SYDE2: variants seen among roughly 807,000 people sequenced by gnomAD.
SYDE2 encodes synapse defective Rho GTPase homolog 2.
In SYDE2, 76 loss-of-function variants were observed where a neutral mutation model predicts 91.5. The ratio of observed to expected loss-of-function variants is 0.83; its 90% CI spans 0.69 to 1.01. The LOEUF (loss-of-function observed/expected upper bound fraction) is 1.01, where lower values mean the gene tolerates loss of function less well. Among genes scored for constraint, SYDE2 ranks in the 50% least tolerant of loss-of-function variants. The pLI is 0.00. For missense variants in SYDE2, 1,364 were observed against 1,367.7 expected (o/e 1.00, Z 0.04); for synonymous variants, 513 against 506.4 (o/e 1.01, Z -0.18).
At chr1:85,163,481 A>ATATATATATATATATAT (rs1657152403) in intron 6 of SYDE2, among the ~76,000 whole-genome samples, 6 of 138,182 alleles carry the variant, frequency 4.3e-5, no homozygotes, top group East Asian at 2.1e-4. Flanking sequence ...ATATATATAT[A>ATATATATATATATATAT]ACAAAAGAGT....
At position 85,158,971 on chromosome 1, in the gene SYDE2, T is replaced by C. The variant is rs1656965250; in HGVS notation, c.3364A>G (p.Ile1122Val). Reference protein sequence around the residue: ...YDDVPSEDRKIGENYSKMDGP... With the variant: ...YDDVPSEDRKVGENYSKMDGP... ...TCCATTTTGCTATAATTTTCTCCGA[T>C]TTTTCTATCTTCTGAAGGGACATCA... Residue 1122 changes from isoleucine (I) to valine (V), a missense_variant, in exon 7 of 7, where the codon ATC (isoleucine) becomes GTC (valine). Physicochemically the swap from Ile to Val is conservative, Grantham distance 29 (BLOSUM62 3). Transcript: ENST00000341460. The C allele has an allele frequency of 1.3e-6, 1 of 780,648 alleles. No individual in the cohort carries two copies. Among genetic ancestry groups the C allele is most frequent in the Non-Finnish European group, 2.4e-6 (1 of 417,942 alleles). The allele number at this position is 780,648 out of a possible 1,614,324, so 48.4% of individuals were successfully genotyped here. A position where few individuals can be genotyped will look rare whatever the true frequency, so the allele number is the denominator to read the frequency against.
chr1:85,158,559 A>G lies in SYDE2; in HGVS notation c.*191T>C. On this transcript the variant is annotated 3_prime_UTR_variant, in exon 7 of 7. Coordinates refer to ENST00000341460, the MANE Select transcript of SYDE2 (RefSeq NM_032184.2). ...AAGTCCAAGTTTTATTGATCCCCAG[A>G]AAAGTTTTCTAGTGAGATAAGTAAA... The G allele has an allele frequency of 2.1e-6, 1 of 479,228 alleles. No individual in the cohort carries two copies. Among genetic ancestry groups the G allele is most frequent in the East Asian group, 3.6e-5 (1 of 28,036 alleles). The allele number at this position is 479,228 out of a possible 1,614,324, so 29.7% of individuals were successfully genotyped here. A position where few individuals can be genotyped will look rare whatever the true frequency, so the allele number is the denominator to read the frequency against.
At chr1:85,195,680 C>T (rs1658560732) in intron 1 of SYDE2, among the ~76,000 whole-genome samples, 2 of 152,238 alleles carry the variant, frequency 1.3e-5, no homozygotes, top group South Asian at 4.1e-4. Flanking sequence ...GAAAGGAGCA[C>T]AAAAGATGAG....
chr1:85,175,195 A>T (rs1336172151), intron 4 of SYDE2, among the ~76,000 whole-genome samples: 2 of 152,204 alleles, frequency 1.3e-5, no homozygotes, highest in African/African-American at 2.4e-5. Context: ...TTTGGTAATA[A>T]GCCCTATAAA....
At chr1:85,172,595 T>G (rs1657541446) in intron 4 of SYDE2, among the ~76,000 whole-genome samples, 1 of 152,120 alleles carries the variant, frequency 6.6e-6, no homozygotes, top group South Asian at 2.1e-4. Flanking sequence ...ATACTATGTC[T>G]AAGACATTGG....
chr1:85,155,604 T>C (rs1331132560), downstream of SYDE2, among the ~76,000 whole-genome samples: 8 of 152,228 alleles, frequency 5.3e-5, no homozygotes, highest in African/African-American at 1.9e-4. Context: ...AGTTGACGAC[T>C]GGCTATAAAA....
chr1:85,157,846 C>T lies in SYDE2; in HGVS notation c.*904G>A, dbSNP rs1282947799. 1 of 152,014 alleles carries T rather than the reference C, an allele frequency of 6.6e-6. No individual in the cohort carries two copies. The highest frequency in any genetic ancestry group is 2.4e-5 in the African/African-American group (1 of 41,408). 9.4% of individuals were successfully genotyped at this position (152,014 alleles called of 1,614,324 possible). A position where few individuals can be genotyped will look rare whatever the true frequency, so the allele number is the denominator to read the frequency against. On this transcript the variant is annotated 3_prime_UTR_variant, in exon 7 of 7. Transcript: ENST00000341460. ...CCCCTCCCCCATCCTGATATCTATACATATATGCATTTATAAATATATACA... is the reference window on the plus strand; with the variant it reads ...CCCCTCCCCCATCCTGATATCTATATATATATGCATTTATAAATATATACA...
In SYDE2 at chr1:85,200,589, C is replaced by G. The variant is rs1377884966; in HGVS notation, c.408G>C (p.Ala136=). Residue 136 remains alanine (A), a synonymous_variant, in exon 1 of 7, where the codon GCG becomes GCC. Coordinates refer to ENST00000341460, the MANE Select transcript of SYDE2 (RefSeq NM_032184.2). ...MDGWSGDRAR[A]AAPTGLQPPG... is the part of the protein sequence containing the mutation. Reference sequence around the variant, plus strand: ...GAGGCTGGAGGCCGGTGGGTGCAGCCGCCCGGGCGCGGTCCCCACTCCAGC... The same window carrying G: ...GAGGCTGGAGGCCGGTGGGTGCAGCGGCCCGGGCGCGGTCCCCACTCCAGC... The G allele has an allele frequency of 3.8e-6, 6 of 1,573,912 alleles. No individual in the cohort carries two copies. Among genetic ancestry groups the G allele is most frequent in the Non-Finnish European group, 5.2e-6 (6 of 1,164,004 alleles).
intron 5 of SYDE2, among the ~76,000 whole-genome samples, 163 bp from the exon 6 acceptor site, chr1:85,164,920 T>G (rs763706417): frequency 1.3e-5 from 2 of 152,166 alleles, no homozygotes; most frequent in African/African-American, 4.8e-5. Flanking sequence ...TAGTTTCTAA[T>G]AGAAACATTA....
intron 4 of SYDE2, among the ~76,000 whole-genome samples, chr1:85,174,062 T>A (rs1041774345): frequency 4.0e-5 from 6 of 150,520 alleles, no homozygotes; most frequent in African/African-American, 7.4e-5. Context: ...GAAAAAAAAA[T>A]ACATTATCAG....
At chr1:85,188,242 C>T (rs1285559429) in intron 2 of SYDE2, among the ~76,000 whole-genome samples, 1 of 152,068 alleles carries the variant, frequency 6.6e-6, no homozygotes, top group Non-Finnish European at 1.5e-5. Flanking sequence ...TATTTCTTTC[C>T]CCATCCAGAT....
Position 85,158,715 on chromosome 1 carries a change from A to T in SYDE2, c.*35T>A. ...AGAAAATAAAACAAAAACAGATTTGAAACTTTAAGACATTACAAAAAAAAA... is the reference window on the plus strand; with the variant it reads ...AGAAAATAAAACAAAAACAGATTTGTAACTTTAAGACATTACAAAAAAAAA... On this transcript the variant is annotated 3_prime_UTR_variant, in exon 7 of 7. Transcript: ENST00000341460. 1 of 672,542 alleles carries T rather than the reference A, an allele frequency of 1.5e-6. No individual in the cohort carries two copies. Among genetic ancestry groups the T allele is most frequent in the South Asian group, 1.7e-5 (1 of 58,284 alleles). The allele number at this position is 672,542 out of a possible 1,614,324, so 41.7% of individuals were successfully genotyped here. A position where few individuals can be genotyped will look rare whatever the true frequency, so the allele number is the denominator to read the frequency against.
intron 4 of SYDE2, among the ~76,000 whole-genome samples, chr1:85,173,353 C>A (rs1194342926): frequency 2.0e-5 from 3 of 152,094 alleles, no homozygotes; most frequent in Non-Finnish European, 4.4e-5. Context: ...AGGAAGGATT[C>A]CCCTGCAGGT....
chr1:85,163,770 G>T (rs1557740999), intron 6 of SYDE2, among the ~76,000 whole-genome samples: 1 of 152,052 alleles, frequency 6.6e-6, no homozygotes, highest in African/African-American at 2.4e-5. Context: ...GCAGTGTGGG[G>T]TGAGAGTAGC....
chr1:85,178,051 A>C, intron 4 of SYDE2, 95 bp downstream of exon 4: 1 of 1,075,206 alleles, frequency 9.3e-7, no homozygotes, highest in Non-Finnish European at 1.3e-6. Context: ...CAGAATAAAA[A>C]CAAATTAAAT....
At chr1:85,191,346 G>T (rs1008546350) in intron 1 of SYDE2, among the ~76,000 whole-genome samples, 2 of 152,134 alleles carry the variant, frequency 1.3e-5, no homozygotes, top group Admixed American at 6.5e-5. Flanking sequence ...GAAGGCCCCA[G>T]ATTAGAAGCA....
chr1:85,157,446 T>G lies in SYDE2; in HGVS notation c.*1304A>C, dbSNP rs1421192201. The stretch of plus-strand genomic sequence containing the variant: ...CTATTTAGAAACAAATGGGGGTAAT[T>G]ATAAAGTCAATGTTATAAATGTACT... On this transcript the variant is annotated 3_prime_UTR_variant, in exon 7 of 7. Coordinates refer to ENST00000341460, the MANE Select transcript of SYDE2 (RefSeq NM_032184.2). The G allele has an allele frequency of 6.6e-6, 1 of 152,104 alleles. No individual in the cohort carries two copies. Among genetic ancestry groups the G allele is most frequent in the African/African-American group, 2.4e-5 (1 of 41,440 alleles). The allele number at this position is 152,104 out of a possible 1,614,324, so 9.4% of individuals were successfully genotyped here. A position where few individuals can be genotyped will look rare whatever the true frequency, so the allele number is the denominator to read the frequency against.
chr1:85,198,931 A>G (rs1016383121), intron 1 of SYDE2, among the ~76,000 whole-genome samples: 4 of 152,208 alleles, frequency 2.6e-5, no homozygotes, highest in Non-Finnish European at 5.9e-5. Context: ...TTTACATTCT[A>G]TTATCCTTTT....
chr1:85,184,214 T>C (rs974592665), intron 2 of SYDE2, among the ~76,000 whole-genome samples: 1 of 152,174 alleles, frequency 6.6e-6, no homozygotes, highest in Non-Finnish European at 1.5e-5. Context: ...AACTGGTACA[T>C]AGCAGGAACT....
Sources: allele counts gnomAD v4.1 joint callset (sites outside exome capture counted in the v4.1 genomes callset), GRCh38; gene constraint gnomAD v4.1.1; transcripts MANE v1.5; gene names NCBI Gene and HGNC (gene_info 2026-07-23, HGNC 2026-07-21).